RSPH14: variants seen among roughly 807,000 people sequenced by gnomAD.
RSPH14 encodes the protein rhabdoid tumor deletion region gene 1.
A neutral mutation model predicts 26.7 loss-of-function variants in RSPH14; 20 were observed. The observed-to-expected ratio is 0.75, with a 90% confidence interval of 0.53 to 1.09. RSPH14 has a LOEUF of 1.09. RSPH14 is among the 50% of genes least tolerant of loss of function. The probability of loss-of-function intolerance (pLI) is 0.00; values close to 1 mark genes in which losing one functional copy is unlikely to be tolerated. For synonymous variants in RSPH14, 177 were observed against 189.3 expected (o/e 0.93, Z 0.53); for missense variants, 449 against 457.2 (o/e 0.98, Z 0.16).
rs1396186284 is a variant in RSPH14, at chr22:23,061,791, C to G, written c.790+18G>C. On this transcript the variant is annotated intron_variant, in intron 6 of 6. Coordinates refer to ENST00000216036, the MANE Select transcript of RSPH14 (RefSeq NM_014433.3). ...CCTGCTAGGGTCTCCCTCCCTGCGG[C>G]ACCCCCCACCGCCTCACCTTCAGTG... 1.2e-6 allele frequency: 2 copies of G among 1,613,464 alleles called. No homozygotes were observed. The highest frequency in any genetic ancestry group is 2.2e-5 in the South Asian group (2 of 91,076).
At position 23,102,054 on chromosome 22, in the gene RSPH14, C is replaced by T. The variant is rs183575632; in HGVS notation, c.421+31972G>A. Among the ~76,000 whole-genome samples, 129 of 152,350 alleles carry T rather than the reference C, an allele frequency of 8.5e-4. 1 individual carries two copies. Among genetic ancestry groups the T allele is most frequent in the African/African-American group, 2.9e-3 (121 of 41,588 alleles). On this transcript the variant is annotated intron_variant, in intron 4 of 6. Transcript: ENST00000216036. ...GGCACACACCTATAGCTGGGCCACC[C>T]GTGGCCTAGAGGCCCCACCAACACT...
At chr22:23,137,372 G>A (rs6519415) in intron 3 of RSPH14, among the ~76,000 whole-genome samples, 55,836 of 125,604 alleles carry the variant, frequency 0.44, 14,583 homozygotes, top group Middle Eastern at 0.55. Context: ...TGTCCGTGGG[G>A]TGTCATGCAA....
chr22:23,160,880 C>T, the RSPH14 span: 9 of 1,612,960 alleles, frequency 5.6e-6, no homozygotes, highest in East Asian at 4.5e-5. Context: ...GGCCCACAGG[C>T]GAGAACGTGA....
chr22:23,062,041 TG>T, intron 5 of RSPH14, 96 bp from the exon 6 acceptor site: 1 of 1,456,180 alleles, frequency 6.9e-7, no homozygotes, highest in Non-Finnish European at 9.4e-7. Context: ...GAAATAATTG[TG>T]TGGGGGCTAC....
chr22:23,108,098 G>A (rs1489710124), intron 4 of RSPH14, among the ~76,000 whole-genome samples: 1 of 152,214 alleles, frequency 6.6e-6, no homozygotes, highest in Non-Finnish European at 1.5e-5. Flanking sequence ...AGGAGCAGGT[G>A]CATCTGTGCA....
the RSPH14 span, chr22:23,155,987 G>A: frequency 1.2e-6 from 2 of 1,612,656 alleles, no homozygotes; most frequent in Middle Eastern, 1.7e-4. Flanking sequence ...AGCTGGGCAG[G>A]AGAAGTTCAA....
intron 4 of RSPH14, among the ~76,000 whole-genome samples, chr22:23,111,702 A>C (rs2069664725): frequency 6.6e-6 from 1 of 152,258 alleles, no homozygotes; most frequent in Non-Finnish European, 1.5e-5. Flanking sequence ...ATTAGGTTTC[A>C]GAACACAAGA....
chr22:23,130,075 GAAAGAAAGGAAGAAA>G (rs1569192357), intron 4 of RSPH14, among the ~76,000 whole-genome samples: 2 of 28,592 alleles, frequency 7.0e-5, no homozygotes, highest in African/African-American at 2.1e-4. Context: ...AAGAAAGAAA[GAAAGAAAGGAAGAAA>G]GAAAGAAAGA....
rs2069093190 is a variant in RSPH14, at chr22:23,095,292, G to A, written c.422-31159C>T. On this transcript the variant is annotated intron_variant, in intron 4 of 6. Transcript: ENST00000216036. ...TGGGAGCCGGAGGCGGGGGGCTGCAGGGAGCACACCAGCGACCGGCCCTCC... is the reference window on the plus strand; with the variant it reads ...TGGGAGCCGGAGGCGGGGGGCTGCAAGGAGCACACCAGCGACCGGCCCTCC... 1.8e-5 allele frequency: 4 copies of A among 217,514 alleles called. No individual in the cohort carries two copies. In the South Asian group the frequency reaches 3.2e-4, roughly 17 times the overall value. The allele number at this position is 217,514 out of a possible 1,614,324, so 13.5% of individuals were successfully genotyped here.
intron 4 of RSPH14, among the ~76,000 whole-genome samples, chr22:23,093,930 G>A (rs991576928): frequency 2.0e-5 from 3 of 152,198 alleles, no homozygotes; most frequent in Non-Finnish European, 2.9e-5. Flanking sequence ...AAGCAGGATC[G>A]CCAGGACTAG....
At position 23,061,824 on chromosome 22, in the gene RSPH14, T is replaced by C. The variant is rs2068101125; in HGVS notation, c.775A>G (p.Thr259Ala). The C allele has an allele frequency of 1.9e-6, 3 of 1,613,956 alleles. No individual in the cohort carries two copies. The highest frequency in any genetic ancestry group is 1.7e-6 in the Non-Finnish European group (2 of 1,180,012). The change falls in exon 6 of 7, where the codon ACA (threonine) becomes GCA (alanine). Residue 259 changes from threonine (T) to alanine (A), a missense_variant. Transcript: ENST00000216036. Reference protein sequence around the residue: ...SNAAGALMFATVITEGKYAAL... With the variant: ...SNAAGALMFAAVITEGKYAAL... ...ACCGCCTCACCTTCAGTGATCACTG[T>C]GGCGAACATCAGGGCACCGGCAGCG...
chr22:23,066,523 C>G (rs948571760), intron 4 of RSPH14, among the ~76,000 whole-genome samples: 1 of 152,164 alleles, frequency 6.6e-6, no homozygotes, highest in Admixed American at 6.5e-5. Flanking sequence ...GCACAGGGAC[C>G]GGGGTTCATT....
In RSPH14 at chr22:23,079,888, G is replaced by C. The variant is rs372164592; in HGVS notation, c.422-15755C>G. ...GTAGTGGACACCACTCATGCCCCTA[G>C]GTCCCCAAGGTAGGGGATGGGATTG... On this transcript the variant is annotated intron_variant, in intron 4 of 6. Transcript: ENST00000216036. 6.6e-5 allele frequency among the ~76,000 whole-genome samples: 10 copies of C among 152,280 alleles called. No homozygotes were observed. In the South Asian group the frequency reaches 8.3e-4, roughly 13 times the overall value.
At chr22:23,130,149 AAGAAAGAAAG>A (rs1422389318) in intron 4 of RSPH14, among the ~76,000 whole-genome samples, 21 of 120,986 alleles carry the variant, frequency 1.7e-4, no homozygotes, top group African/African-American at 6.3e-4. Context: ...GAAAGAAAGA[AAGAAAGAAAG>A]AAAAAGAAAA....
the RSPH14 span, among the ~76,000 whole-genome samples, chr22:23,172,586 C>T: frequency 6.6e-6 from 1 of 151,066 alleles, no homozygotes; most frequent in Non-Finnish European, 1.5e-5. Context: ...TGCCTGTAGT[C>T]CCAGCTACTT....
rs568281905 is a variant in RSPH14 at position 23,063,649 on chromosome 22, T to C, written c.653+253A>G. 2.6e-4 allele frequency among the ~76,000 whole-genome samples: 40 copies of C among 152,252 alleles called. No individual in the cohort carries two copies. In the South Asian group the frequency reaches 6.2e-3, roughly 24 times the overall value. On this transcript the variant is annotated intron_variant, in intron 5 of 6. Coordinates refer to ENST00000216036, the MANE Select transcript of RSPH14 (RefSeq NM_014433.3). Reference sequence around the variant, plus strand: ...GCATCTCCTGTGCTGGCCTTCCTCATGGGGAGGGGGTGCACAATCATCTGG... The same window carrying C: ...GCATCTCCTGTGCTGGCCTTCCTCACGGGGAGGGGGTGCACAATCATCTGG...
intron 1 of RSPH14, among the ~76,000 whole-genome samples, chr22:23,141,053 C>T (rs940871801): frequency 2.6e-5 from 4 of 152,128 alleles, no homozygotes; most frequent in Non-Finnish European, 4.4e-5. Context: ...TTTATGGCCA[C>T]GCGCAGTGGC....
At chr22:23,176,804 G>C in the RSPH14 span, among the ~76,000 whole-genome samples, 2 of 152,106 alleles carry the variant, frequency 1.3e-5, no homozygotes, top group Non-Finnish European at 2.9e-5. Context: ...AACCTTCCAT[G>C]CAACAGACCC....
chr22:23,062,996 A>T (rs2068125487), intron 5 of RSPH14, among the ~76,000 whole-genome samples: 1 of 152,188 alleles, frequency 6.6e-6, no homozygotes, highest in African/African-American at 2.4e-5. Context: ...CCCCTCGGGG[A>T]TGACACACAA....
Sources: allele counts gnomAD v4.1 joint callset (sites outside exome capture counted in the v4.1 genomes callset), GRCh38; gene constraint gnomAD v4.1.1; transcripts MANE v1.5; gene names NCBI Gene and HGNC (gene_info 2026-07-23, HGNC 2026-07-21).